Variants in PARN observed in about 807,000 individuals in gnomAD.
The protein encoded by PARN is poly(A)-specific ribonuclease, also known as poly(A)-specific ribonuclease PARN.
PARN carries 71 observed loss-of-function variants against 102.8 expected under a neutral mutation model. The observed-to-expected ratio is 0.69, with a 90% CI of 0.57 to 0.84. The LOEUF is 0.84. Among genes scored for constraint, PARN ranks in the 40% least tolerant of loss-of-function variants. The pLI is 0.00. For synonymous variants in PARN, 261 were observed against 252.9 expected (o/e 1.03, Z -0.30); for missense variants, 782 against 760.9 (o/e 1.03, Z -0.33).
chr16:14,577,250 T>C (rs1969200532), intron 18 of PARN, among the ~76,000 whole-genome samples: 1 of 152,208 alleles, frequency 6.6e-6, no homozygotes, highest in South Asian at 2.1e-4. Flanking sequence ...GAGATAATGT[T>C]GGGGGCAACT....
At chr16:14,444,666 C>A (rs925810917) in intron 23 of PARN, among the ~76,000 whole-genome samples, 2 of 152,238 alleles carry the variant, frequency 1.3e-5, no homozygotes, top group African/African-American at 4.8e-5. Context: ...GGAAACCCCC[C>A]TGCCCCTCTA....
intron 21 of PARN, among the ~76,000 whole-genome samples, chr16:14,492,495 G>A (rs971466402): frequency 6.6e-6 from 1 of 152,142 alleles, no homozygotes; most frequent in Non-Finnish European, 1.5e-5. Context: ...CACTGACGAG[G>A]CAGAGAGAAA....
chr16:14,546,535 T>G (rs1966956266), intron 21 of PARN, among the ~76,000 whole-genome samples: 1 of 152,232 alleles, frequency 6.6e-6, no homozygotes, highest in Non-Finnish European at 1.5e-5. Context: ...TTAAAAAGTT[T>G]CTTACAGTAT....
At chr16:14,585,581 T>C (rs557052789) in intron 14 of PARN, among the ~76,000 whole-genome samples, 1 of 152,094 alleles carries the variant, frequency 6.6e-6, no homozygotes, top group African/African-American at 2.4e-5. Context: ...CAATAATAAC[T>C]ATGGAAAACA....
At chr16:14,565,049 T>C (rs1364307757) in intron 18 of PARN, 1 of 152,158 alleles carries the variant, frequency 6.6e-6, no homozygotes, top group Non-Finnish European at 1.5e-5. Context: ...GCAAACGGTC[T>C]TGGTATTTCC....
intron 2 of PARN, among the ~76,000 whole-genome samples, 198 bp downstream of exon 2, chr16:14,629,399 T>C (rs1171601576): frequency 1.3e-5 from 2 of 152,334 alleles, no homozygotes; most frequent in South Asian, 2.1e-4. Flanking sequence ...CTGAGTCCAA[T>C]CACAAACCTA....
intron 18 of PARN, among the ~76,000 whole-genome samples, chr16:14,563,520 G>GTATATATA (rs747128076): frequency 2.7e-5 from 2 of 74,930 alleles, no homozygotes; most frequent in African/African-American, 1.0e-4. Flanking sequence ...GTGTGTGTGT[G>GTATATATA]TGTATATAAT....
At chr16:14,558,751 T>C (rs1967866150) in intron 18 of PARN, among the ~76,000 whole-genome samples, 1 of 152,116 alleles carries the variant, frequency 6.6e-6, no homozygotes, top group Admixed American at 6.5e-5. Context: ...GGCACAAAAT[T>C]TTATACTATG....
At chr16:14,513,368 A>C (rs1043664733) in intron 21 of PARN, among the ~76,000 whole-genome samples, 1 of 152,196 alleles carries the variant, frequency 6.6e-6, no homozygotes, top group Non-Finnish European at 1.5e-5. Context: ...TTGTTCTCTC[A>C]AACCATTTTG....
At chr16:14,477,934 A>G (rs1383118103) in intron 22 of PARN, among the ~76,000 whole-genome samples, 1 of 152,202 alleles carries the variant, frequency 6.6e-6, no homozygotes, top group Non-Finnish European at 1.5e-5. Flanking sequence ...CAACATATTA[A>G]AAGGATAATA....
At chr16:14,627,367 A>C in intron 3 of PARN, 31 bp from the exon 4 acceptor site, 1 of 1,495,632 alleles carries the variant, frequency 6.7e-7, no homozygotes. Flanking sequence ...ATCTGTCACA[A>C]AAGTGCTGCA....
intron 13 of PARN, among the ~76,000 whole-genome samples, chr16:14,590,574 G>A (rs1970131339): frequency 6.8e-6 from 1 of 146,268 alleles, no homozygotes; most frequent in South Asian, 2.2e-4. Flanking sequence ...AGCGGAGGGT[G>A]CACTGAGCAG....
intron 18 of PARN, among the ~76,000 whole-genome samples, chr16:14,573,996 G>C (rs1968965936): frequency 6.6e-6 from 1 of 152,230 alleles, no homozygotes; most frequent in Admixed American, 6.5e-5. Context: ...ATGTGAAAGT[G>C]ACTTTGAAAC....
chr16:14,577,978 C>T (rs1188771024), intron 18 of PARN, among the ~76,000 whole-genome samples: 1 of 151,922 alleles, frequency 6.6e-6, no homozygotes, highest in Admixed American at 6.6e-5. Flanking sequence ...ATAAAACCCA[C>T]TTTCTAAGGG....
chr16:14,578,905 G>A (rs1969329939), intron 18 of PARN, among the ~76,000 whole-genome samples: 1 of 151,990 alleles, frequency 6.6e-6, no homozygotes, highest in African/African-American at 2.4e-5. Context: ...CACATTTACT[G>A]TCTAGTTCTT....
intron 21 of PARN, among the ~76,000 whole-genome samples, chr16:14,508,825 T>C (rs1034002120): frequency 4.6e-5 from 7 of 151,174 alleles, no homozygotes; most frequent in Non-Finnish European, 8.8e-5. Flanking sequence ...TTTGAGAGGC[T>C]GATGTGGGAG....
chr16:14,604,265 T>C, intron 10 of PARN, 39 bp from the exon 11 acceptor site: 1 of 1,322,756 alleles, frequency 7.6e-7, no homozygotes, highest in Non-Finnish European at 1.1e-6. Context: ...TTCTTTTCTT[T>C]TTCTTTTTTT....
chr16:14,436,882 GC>G, intron 23 of PARN, 110 bp from the exon 24 acceptor site: 1 of 778,626 alleles, frequency 1.3e-6, no homozygotes, highest in Non-Finnish European at 2.2e-6. Flanking sequence ...TGCAGACGGG[GC>G]CAGCGTCTGG....
At chr16:14,481,529 T>C (rs1336418916) in intron 22 of PARN, among the ~76,000 whole-genome samples, 3 of 152,238 alleles carry the variant, frequency 2.0e-5, no homozygotes, top group East Asian at 1.9e-4. Context: ...ATAGAAATGT[T>C]CTATATCTTG....
Sources: gnomAD v4.1 joint callset for allele counts (sites outside exome capture counted in the v4.1 genomes callset) on GRCh38, gnomAD v4.1.1 for gene constraint, MANE v1.5 for transcripts, NCBI Gene and HGNC (gene_info 2026-07-23, HGNC 2026-07-21) for gene names.